The following SEC63 variants were observed in gnomAD, a reference collection of about 807,000 sequenced individuals.
SEC63 encodes SEC63 protein translocation regulator.
Under a neutral mutation model 116.2 loss-of-function variants are expected in SEC63, and 56 were observed. The observed-to-expected ratio is 0.48, with a 90% confidence interval of 0.39 to 0.60. The LOEUF (loss-of-function observed/expected upper bound fraction) is 0.60. SEC63 is among the 20% of genes least tolerant of loss of function. The pLI is 0.00. For synonymous variants in SEC63, 273 were observed against 294.6 expected (o/e 0.93, Z 0.75); for missense variants, 668 against 900.0 (o/e 0.74, Z 3.30).
intron 18 of SEC63, among the ~76,000 whole-genome samples, chr6:107,880,445 T>C (rs1562313786): frequency 6.6e-6 from 1 of 152,102 alleles, no homozygotes; most frequent in Non-Finnish European, 1.5e-5. Context: ...TAATGCAAAA[T>C]GTCAAGGGAA....
chr6:107,927,415 C>T (rs942549281), intron 2 of SEC63, among the ~76,000 whole-genome samples: 2 of 152,062 alleles, frequency 1.3e-5, no homozygotes, highest in African/African-American at 2.4e-5. Flanking sequence ...GCCTTAGTTT[C>T]GCACATGTGT....
intron 1 of SEC63, among the ~76,000 whole-genome samples, chr6:107,934,586 G>C (rs1344793691): frequency 1.4e-5 from 2 of 146,082 alleles, no homozygotes; most frequent in Admixed American, 6.7e-5. Flanking sequence ...AGTGAGGAGC[G>C]TCTCCGCCCG....
rs1014935875 is a variant in SEC63, at chr6:107,883,344, C to T, written c.1675-198G>A. ...TCAGACTAAAGAGTTTAATATCTGGCTAGTCTGTCTATTGTTAGTTATTTT... is the reference window on the plus strand; with the variant it reads ...TCAGACTAAAGAGTTTAATATCTGGTTAGTCTGTCTATTGTTAGTTATTTT... On this transcript the variant is annotated intron_variant, in intron 16 of 20. Coordinates refer to ENST00000369002, the MANE Select transcript of SEC63 (RefSeq NM_007214.5). The T allele has an allele frequency of 8.5e-6, 5 of 591,082 alleles. No homozygotes were observed. The Admixed American group carries it at 1.2e-4, about 15-fold the overall frequency. The allele number at this position is 591,082 out of a possible 1,614,324, so 36.6% of individuals were successfully genotyped here.
At chr6:107,888,755 G>T (rs974752914) in intron 16 of SEC63, among the ~76,000 whole-genome samples, 3 of 151,942 alleles carry the variant, frequency 2.0e-5, no homozygotes, top group African/African-American at 7.3e-5. Flanking sequence ...TTATTTTGAG[G>T]TACGTTCCAT....
chr6:107,890,805 CTTTA>C (rs2114421865), intron 16 of SEC63, among the ~76,000 whole-genome samples: 1 of 152,200 alleles, frequency 6.6e-6, no homozygotes, highest in East Asian at 1.9e-4. Flanking sequence ...CTGTAAAGGA[CTTTA>C]TTTCTCCTTT....
At position 107,886,471 on chromosome 6, in the gene SEC63, C is replaced by T. The variant is rs1786531689; in HGVS notation, c.1675-3325G>A. Among the ~76,000 whole-genome samples the T allele has an allele frequency of 2.0e-5, 3 of 152,214 alleles. No individual in the cohort carries two copies. In the South Asian group the frequency reaches 6.2e-4, roughly 32 times the overall value. On this transcript the variant is annotated intron_variant, in intron 16 of 20. Transcript: ENST00000369002. ...GGGTTGAACTAGTTTACAGTCCCAC[C>T]AACAGTGTAAAAGTGTTTCTATTTC...
chr6:107,955,573 A>C (rs1026949131), intron 1 of SEC63, among the ~76,000 whole-genome samples: 1 of 152,224 alleles, frequency 6.6e-6, no homozygotes, highest in Non-Finnish European at 1.5e-5. Flanking sequence ...AAAGACACTT[A>C]CATGCTGAAG....
chr6:107,910,646 CAT>C (rs1420604599), intron 7 of SEC63, among the ~76,000 whole-genome samples: 4 of 151,980 alleles, frequency 2.6e-5, no homozygotes, highest in African/African-American at 9.7e-5. Context: ...ATACACATGT[CAT>C]ACATTTATAC....
intron 16 of SEC63, among the ~76,000 whole-genome samples, chr6:107,885,498 G>T (rs1318678689): frequency 6.6e-6 from 1 of 152,130 alleles, no homozygotes; most frequent in Non-Finnish European, 1.5e-5. Context: ...AGAAAAATTA[G>T]GGAAGATCCA....
intron 1 of SEC63, among the ~76,000 whole-genome samples, chr6:107,956,809 C>T (rs980562629): frequency 4.6e-5 from 7 of 152,326 alleles, no homozygotes; most frequent in South Asian, 2.1e-4. Context: ...CAAGGCTTCA[C>T]TGTTAACAAC....
rs148671095 is a variant in SEC63 at position 107,884,662 on chromosome 6, C to T, written c.1675-1516G>A. ...CAAAGCTTACACAAACTCTTCTGAG[C>T]AAAAAAGGGAATACTTCCTAGCTTG... On this transcript the variant is annotated intron_variant, in intron 16 of 20. Coordinates refer to ENST00000369002, the MANE Select transcript of SEC63 (RefSeq NM_007214.5). Among the ~76,000 whole-genome samples, 1,455 of 151,810 alleles carry T rather than the reference C, an allele frequency of 9.6e-3. 15 individuals are homozygous for T. Among genetic ancestry groups the T allele is most frequent in the African/African-American group, 0.032 (1,343 of 41,438 alleles).
intron 16 of SEC63, among the ~76,000 whole-genome samples, chr6:107,891,625 T>C (rs760563026): frequency 6.6e-6 from 1 of 152,102 alleles, no homozygotes; most frequent in Non-Finnish European, 1.5e-5. Context: ...CTGTGATCCT[T>C]TGGAGAAGAG....
chr6:107,956,837 A>G (rs1770722205), intron 1 of SEC63, among the ~76,000 whole-genome samples: 1 of 152,232 alleles, frequency 6.6e-6, no homozygotes, highest in Non-Finnish European at 1.5e-5. Flanking sequence ...AGTAGAGTAT[A>G]TAACCTGGAC....
chr6:107,874,520 C>T lies in SEC63; in HGVS notation c.2035-1608G>A, dbSNP rs146965144. The stretch of plus-strand genomic sequence containing the variant: ...CTGAGGCAGGAGAATGGCGTGAACC[C>T]GGGAGGCGGAGCTTGCAGTGAGCCG... On this transcript the variant is annotated intron_variant, in intron 19 of 20. Coordinates refer to ENST00000369002, the MANE Select transcript of SEC63 (RefSeq NM_007214.5). Among the ~76,000 whole-genome samples the T allele has an allele frequency of 4.0e-3, 577 of 146,060 alleles. 2 individuals are homozygous for T. The highest frequency in any genetic ancestry group is 0.012 in the African/African-American group (476 of 39,300).
chr6:107,905,445 T>C (rs990677958), intron 10 of SEC63, among the ~76,000 whole-genome samples: 3 of 152,172 alleles, frequency 2.0e-5, no homozygotes, highest in African/African-American at 7.2e-5. Flanking sequence ...AGGTGGGGGA[T>C]GGTAGGATAT....
chr6:107,877,491 T>A (rs1378282416), intron 18 of SEC63: 1 of 152,156 alleles, frequency 6.6e-6, no homozygotes, highest in South Asian at 2.1e-4. Flanking sequence ...CAGGCTGGAG[T>A]GCAGTGGCAC....
intron 4 of SEC63, 75 bp from the exon 5 acceptor site, chr6:107,913,502 A>G: frequency 2.0e-6 from 2 of 977,858 alleles, no homozygotes; most frequent in Non-Finnish European, 3.3e-6. Context: ...GACAAACTCC[A>G]TTAGCCAACC....
At chr6:107,896,824 C>T (rs1786846874) in intron 14 of SEC63, among the ~76,000 whole-genome samples, 1 of 151,870 alleles carries the variant, frequency 6.6e-6, no homozygotes, top group Non-Finnish European at 1.5e-5. Context: ...ACTAAAAACA[C>T]AAAAATTAGC....
At chr6:107,900,220 G>A (rs1022162633) in intron 13 of SEC63, among the ~76,000 whole-genome samples, 15 of 151,852 alleles carry the variant, frequency 9.9e-5, no homozygotes, top group Non-Finnish European at 1.5e-4. Flanking sequence ...GGCTGGTCTC[G>A]AACTCCTGGG....
Sources: allele counts gnomAD v4.1 joint callset (sites outside exome capture counted in the v4.1 genomes callset), GRCh38; gene constraint gnomAD v4.1.1; transcripts MANE v1.5; gene names NCBI Gene and HGNC (gene_info 2026-07-23, HGNC 2026-07-21).